The following IGFL2 variants were observed in gnomAD, a reference collection of about 807,000 sequenced individuals.
IGFL2 encodes the protein IGF like family member 2, also known as insulin growth factor-like family member 2.
A neutral mutation model predicts 13.9 loss-of-function variants in IGFL2; 7 were observed. The observed-to-expected ratio is 0.51, with a 90% CI of 0.29 to 0.95. The LOEUF is 0.95. Ranked by LOEUF, IGFL2 falls within the 40% of genes least tolerant of loss-of-function variation. IGFL2 has a pLI of 0.08. For synonymous variants in IGFL2, 55 were observed against 55.8 expected (o/e 0.99, Z 0.07); for missense variants, 138 against 147.8 (o/e 0.93, Z 0.34).
the IGFL2 span, among the ~76,000 whole-genome samples, chr19:46,127,625 G>A: frequency 6.6e-6 from 1 of 152,150 alleles, no homozygotes; most frequent in Non-Finnish European, 1.5e-5. Flanking sequence ...GTATAGGTAG[G>A]TAGGTAGGTG....
At chr19:46,161,421 G>GGA (rs71175263), downstream of IGFL2, 101,285 of 227,688 alleles carry the variant, frequency 0.44, 26,002 homozygotes, top group Middle Eastern at 0.57. Context: ...ACAAAAGGCT[G>GGA]GAGAGTTTTT....
chr19:46,136,317 T>C, the IGFL2 span, among the ~76,000 whole-genome samples: 1 of 152,162 alleles, frequency 6.6e-6, no homozygotes, highest in South Asian at 2.1e-4. Context: ...AAAAAACTCA[T>C]CAATTAACTA....
the IGFL2 span, among the ~76,000 whole-genome samples, chr19:46,135,998 C>T: frequency 1.3e-5 from 2 of 152,152 alleles, no homozygotes; most frequent in African/African-American, 2.4e-5. Context: ...GAGACCTTCC[C>T]CTACTTTCTA....
chr19:46,183,449 G>A, the IGFL2 span, among the ~76,000 whole-genome samples: 1 of 151,160 alleles, frequency 6.6e-6, no homozygotes, highest in African/African-American at 2.4e-5. Context: ...TCTCTCCCAG[G>A]CTGGGCCTCA....
At chr19:46,151,478 C>G (rs530996094) in intron 1 of IGFL2, among the ~76,000 whole-genome samples, 3 of 152,190 alleles carry the variant, frequency 2.0e-5, no homozygotes, top group African/African-American at 7.2e-5. Flanking sequence ...GTGTCAGCTC[C>G]TACACTGTCA....
chr19:46,154,868 T>C (rs1377957009), intron 1 of IGFL2, among the ~76,000 whole-genome samples: 1 of 152,182 alleles, frequency 6.6e-6, no homozygotes, highest in Non-Finnish European at 1.5e-5. Context: ...CCACACTCTT[T>C]TCAAGAAAAG....
At chr19:46,192,447 T>A in the IGFL2 span, among the ~76,000 whole-genome samples, 4 of 149,556 alleles carry the variant, frequency 2.7e-5, no homozygotes, top group Admixed American at 1.3e-4. Flanking sequence ...TGAAATGGAG[T>A]CTCGCTCTGT....
chr19:46,151,478 C>T (rs530996094), intron 1 of IGFL2, among the ~76,000 whole-genome samples: 41 of 152,308 alleles, frequency 2.7e-4, no homozygotes, highest in Non-Finnish European at 4.0e-4. Flanking sequence ...GTGTCAGCTC[C>T]TACACTGTCA....
chr19:46,149,575 C>T (rs1973361206), intron 1 of IGFL2, among the ~76,000 whole-genome samples: 1 of 151,958 alleles, frequency 6.6e-6, no homozygotes, highest in African/African-American at 2.4e-5. Flanking sequence ...AGTCAGCTTT[C>T]TGTCTCTATG....
the IGFL2 span, among the ~76,000 whole-genome samples, chr19:46,096,885 G>T: frequency 3.3e-5 from 5 of 152,316 alleles, no homozygotes; most frequent in South Asian, 1.0e-3. Flanking sequence ...GATTGTGGTG[G>T]ATAAGCTTTC....
chr19:46,177,832 G>A, the IGFL2 span, among the ~76,000 whole-genome samples: 126 of 152,236 alleles, frequency 8.3e-4, 2 homozygotes, highest in Middle Eastern at 0.017. Context: ...CAGCTCCCCA[G>A]CCAACTGGAC....
chr19:46,177,505 C>G, the IGFL2 span, among the ~76,000 whole-genome samples: 1 of 151,958 alleles, frequency 6.6e-6, no homozygotes, highest in East Asian at 1.9e-4. Flanking sequence ...ATAAAATACT[C>G]CACATAAGAA....
chr19:46,139,736 G>A (rs1012224105), upstream of IGFL2, among the ~76,000 whole-genome samples: 2 of 152,016 alleles, frequency 1.3e-5, no homozygotes, highest in Admixed American at 1.3e-4. Context: ...ACACTTTTTG[G>A]GATAGCTTAT....
At chr19:46,128,200 C>T in the IGFL2 span, among the ~76,000 whole-genome samples, 1 of 152,092 alleles carries the variant, frequency 6.6e-6, no homozygotes, top group Non-Finnish European at 1.5e-5. Context: ...GATTTTATAT[C>T]CTGCAACTTC....
At chr19:46,206,233 C>G in the IGFL2 span, among the ~76,000 whole-genome samples, 1 of 152,152 alleles carries the variant, frequency 6.6e-6, no homozygotes, top group African/African-American at 2.4e-5. Flanking sequence ...GTTTTCTCTA[C>G]CCAGCCTGAC....
upstream of IGFL2, among the ~76,000 whole-genome samples, chr19:46,147,563 C>T (rs995037799): frequency 4.6e-5 from 7 of 152,152 alleles, no homozygotes; most frequent in African/African-American, 1.4e-4. Context: ...CTAAAGAAAA[C>T]ACCTAAAAGC....
At chr19:46,080,408 A>G in the IGFL2 span, among the ~76,000 whole-genome samples, 160 of 152,182 alleles carry the variant, frequency 1.1e-3, no homozygotes, top group African/African-American at 3.5e-3. Flanking sequence ...AAAAAAAAGA[A>G]TAAATTTAAA....
the IGFL2 span, among the ~76,000 whole-genome samples, chr19:46,127,536 A>T: frequency 6.6e-6 from 1 of 152,176 alleles, no homozygotes; most frequent in East Asian, 1.9e-4. Context: ...GTCCCGGACA[A>T]TTTTTGCTGA....
upstream of IGFL2, among the ~76,000 whole-genome samples, chr19:46,142,299 A>G (rs1972894562): frequency 6.6e-6 from 1 of 152,216 alleles, no homozygotes; most frequent in Non-Finnish European, 1.5e-5. Context: ...CTATTATTTT[A>G]AGTGACAAAA....
Sources: gnomAD v4.1 joint callset for allele counts (sites outside exome capture counted in the v4.1 genomes callset) on GRCh38, gnomAD v4.1.1 for gene constraint, MANE v1.5 for transcripts, NCBI Gene and HGNC (gene_info 2026-07-23, HGNC 2026-07-21) for gene names.